SGCZ: variants seen among roughly 807,000 people sequenced by gnomAD.
The protein encoded by SGCZ is sarcoglycan zeta, also known as zeta-sarcoglycan.
In SGCZ, 40 loss-of-function variants were observed where a neutral mutation model predicts 41.3. The ratio of observed to expected loss-of-function variants is 0.97; its 90% CI spans 0.75 to 1.26. The LOEUF (loss-of-function observed/expected upper bound fraction) is 1.26. Among genes scored for constraint, SGCZ ranks in the 50% most tolerant of loss-of-function variants. SGCZ has a pLI of 0.00. For missense variants in SGCZ, 552 were observed against 369.8 expected (o/e 1.49, Z -4.04); for synonymous variants, 206 against 137.5 (o/e 1.50, Z -3.49).
chr8:15,182,511 C>T (rs1361896126), intron 1 of SGCZ, among the ~76,000 whole-genome samples: 1 of 152,136 alleles, frequency 6.6e-6, no homozygotes, highest in Non-Finnish European at 1.5e-5. Flanking sequence ...GCAACTTTAA[C>T]TAAATGGTAG....
chr8:14,993,810 A>T (rs1411803830), intron 1 of SGCZ, among the ~76,000 whole-genome samples: 1 of 152,146 alleles, frequency 6.6e-6, no homozygotes, highest in Non-Finnish European at 1.5e-5. Flanking sequence ...TAAGGTAGGG[A>T]TTTATGGGCC....
intron 1 of SGCZ, among the ~76,000 whole-genome samples, chr8:14,840,325 A>G (rs1802858365): frequency 1.3e-5 from 2 of 152,118 alleles, no homozygotes; most frequent in South Asian, 4.1e-4. Flanking sequence ...TTCACATAAG[A>G]TTATAGTGTG....
chr8:14,328,072 A>T (rs914208189), intron 2 of SGCZ, among the ~76,000 whole-genome samples: 2 of 152,194 alleles, frequency 1.3e-5, no homozygotes, highest in African/African-American at 2.4e-5. Flanking sequence ...CCTGTCTTGT[A>T]TGAAAAAACG....
intron 2 of SGCZ, among the ~76,000 whole-genome samples, chr8:14,385,491 C>T (rs572891255): frequency 1.3e-5 from 2 of 152,146 alleles, no homozygotes; most frequent in Non-Finnish European, 2.9e-5. Context: ...CTATGGTCCA[C>T]ACCATACCTT....
intron 1 of SGCZ, among the ~76,000 whole-genome samples, chr8:14,565,242 T>C (rs1217377220): frequency 6.6e-6 from 1 of 152,196 alleles, no homozygotes; most frequent in African/African-American, 2.4e-5. Context: ...ACATACCTCA[T>C]ACATCCTAAA....
chr8:14,633,263 A>G (rs981346583), intron 1 of SGCZ, among the ~76,000 whole-genome samples: 1 of 151,934 alleles, frequency 6.6e-6, no homozygotes, highest in African/African-American at 2.4e-5. Context: ...TTTATTGGGT[A>G]AGAAATTAAT....
chr8:14,172,337 C>A (rs982757017), intron 4 of SGCZ, among the ~76,000 whole-genome samples: 1 of 152,120 alleles, frequency 6.6e-6, no homozygotes, highest in Non-Finnish European at 1.5e-5. Context: ...ATATGGCCAA[C>A]TCAGCACTGC....
intron 2 of SGCZ, among the ~76,000 whole-genome samples, chr8:14,495,373 T>C (rs952225009): frequency 2.0e-5 from 3 of 152,180 alleles, no homozygotes; most frequent in Admixed American, 6.5e-5. Context: ...AGCATGCTTA[T>C]TGACATAACT....
intron 2 of SGCZ, among the ~76,000 whole-genome samples, chr8:14,433,447 A>G (rs924223814): frequency 6.6e-6 from 1 of 152,194 alleles, no homozygotes; most frequent in Non-Finnish European, 1.5e-5. Context: ...TATGCAATGC[A>G]TATTGGTGAG....
chr8:14,860,666 A>G (rs1184104646), intron 1 of SGCZ, among the ~76,000 whole-genome samples: 4 of 150,520 alleles, frequency 2.7e-5, no homozygotes, highest in African/African-American at 9.8e-5. Flanking sequence ...GAAAGAAAGA[A>G]AGAGGGAAAG....
At chr8:14,546,191 C>T (rs1004642494) in intron 2 of SGCZ, among the ~76,000 whole-genome samples, 4 of 152,242 alleles carry the variant, frequency 2.6e-5, no homozygotes, top group Admixed American at 6.5e-5. Context: ...AGGGGCAGTG[C>T]GGTCTCTGCT....
Position 14,090,302 on chromosome 8 carries a change from G to A in SGCZ, c.*141C>T. The A allele has an allele frequency of 1.3e-5, 10 of 760,140 alleles. No homozygotes were observed. In the South Asian group the frequency reaches 2.0e-4, roughly 15 times the overall value. 47.1% of individuals were successfully genotyped at this position (760,140 alleles called of 1,614,324 possible). A position where few individuals can be genotyped will look rare whatever the true frequency, so the allele number is the denominator to read the frequency against. Reference sequence around the variant, plus strand: ...CAGTAAATCACAAGAGAAGGTGGTGGCGAATCCCTGCTCACACTGGAAGTT... The same window carrying A: ...CAGTAAATCACAAGAGAAGGTGGTGACGAATCCCTGCTCACACTGGAAGTT... On this transcript the variant is annotated 3_prime_UTR_variant, in exon 8 of 8. Coordinates refer to ENST00000382080, the MANE Select transcript of SGCZ (RefSeq NM_139167.4).
chr8:14,582,144 C>G (rs529414788), intron 1 of SGCZ, among the ~76,000 whole-genome samples: 2 of 152,008 alleles, frequency 1.3e-5, no homozygotes, highest in Non-Finnish European at 2.9e-5. Flanking sequence ...CATTTTATTT[C>G]TCTAATTATG....
intron 1 of SGCZ, among the ~76,000 whole-genome samples, chr8:14,615,764 T>G (rs1392536601): frequency 6.6e-6 from 1 of 152,058 alleles, no homozygotes; most frequent in Non-Finnish European, 1.5e-5. Flanking sequence ...CAACCTAGAG[T>G]AAGAAATACT....
At chr8:14,425,643 A>AG (rs1554516562) in intron 2 of SGCZ, among the ~76,000 whole-genome samples, 2 of 53,786 alleles carry the variant, frequency 3.7e-5, no homozygotes, top group South Asian at 4.9e-4. Flanking sequence ...AAAAAGAAAA[A>AG]AAAAAAGAAA....
chr8:14,266,337 T>A (rs534037360), intron 3 of SGCZ, among the ~76,000 whole-genome samples: 1 of 152,104 alleles, frequency 6.6e-6, no homozygotes, highest in Non-Finnish European at 1.5e-5. Context: ...ATTAATGAAA[T>A]ACATTGGAAT....
chr8:14,147,282 G>GA (rs907044020), intron 5 of SGCZ, among the ~76,000 whole-genome samples: 1 of 151,942 alleles, frequency 6.6e-6, no homozygotes, highest in Admixed American at 6.6e-5. Flanking sequence ...CTGAATAAAT[G>GA]AAAAAACAGG....
rs542570771 is a variant in SGCZ, at chr8:14,230,479, G to A, written c.424+7113C>T. On this transcript the variant is annotated intron_variant, in intron 4 of 7. Coordinates refer to ENST00000382080, the MANE Select transcript of SGCZ (RefSeq NM_139167.4). ...CAGAAACCTGGAACGGATGCCTGGA[G>A]TAATGTACATAAGGTCACATAGCGG... Among the ~76,000 whole-genome samples, 361 of 152,212 alleles carry A rather than the reference G, an allele frequency of 2.4e-3. 1 individual carries two copies. The highest frequency in any genetic ancestry group is 4.0e-3 in the Non-Finnish European group (272 of 67,992).
intron 4 of SGCZ, among the ~76,000 whole-genome samples, chr8:14,198,911 C>G (rs1805365810): frequency 6.6e-6 from 1 of 152,180 alleles, no homozygotes; most frequent in Non-Finnish European, 1.5e-5. Context: ...TTACTTTAAT[C>G]TCTTAATCCT....
Sources: gnomAD v4.1 joint callset for allele counts (sites outside exome capture counted in the v4.1 genomes callset) on GRCh38, gnomAD v4.1.1 for gene constraint, MANE v1.5 for transcripts, NCBI Gene and HGNC (gene_info 2026-07-23, HGNC 2026-07-21) for gene names.